GRM7: variants seen among roughly 807,000 people sequenced by gnomAD.
GRM7 encodes glutamate metabotropic receptor 7.
A neutral mutation model predicts 84.5 loss-of-function variants in GRM7; 35 were observed. The ratio of observed to expected loss-of-function variants is 0.41; its 90% CI spans 0.32 to 0.55. The LOEUF is 0.55. Among genes scored for constraint, GRM7 ranks in the 20% least tolerant of loss-of-function variants. GRM7 has a pLI of 0.19. For synonymous variants in GRM7, 487 were observed against 455.1 expected (o/e 1.07, Z -0.89); for missense variants, 1,003 against 1,194.6 (o/e 0.84, Z 2.36).
At chr3:6,936,478 A>G (rs1194531103) in intron 1 of GRM7, among the ~76,000 whole-genome samples, 1 of 152,104 alleles carries the variant, frequency 6.6e-6, no homozygotes, top group African/African-American at 2.4e-5. Flanking sequence ...CCTGAGGGTA[A>G]CTTGTTATTC....
rs147854386 is a variant in GRM7 at position 7,425,095 on chromosome 3, G to A, written c.1174+9932G>A. 5.4e-3 allele frequency among the ~76,000 whole-genome samples: 827 copies of A among 152,124 alleles called. 9 individuals are homozygous for A. Among genetic ancestry groups the A allele is most frequent in the African/African-American group, 0.018 (759 of 41,510 alleles). On this transcript the variant is annotated intron_variant, in intron 5 of 9. Transcript: ENST00000357716. ...ACAAATAGATACTTTCTCATTTTTC[G>A]GTAACTTCGTAGTTTTGCTTCTATA...
At chr3:6,985,487 C>G (rs1575099825) in intron 1 of GRM7, among the ~76,000 whole-genome samples, 1 of 152,112 alleles carries the variant, frequency 6.6e-6, no homozygotes, top group African/African-American at 2.4e-5. Context: ...ATCACATTTT[C>G]AATGTGTGGT....
chr3:7,686,354 T>C (rs1033753797), intron 9 of GRM7: 1 of 1,220,312 alleles, frequency 8.2e-7, no homozygotes, highest in Non-Finnish European at 1.2e-6. Context: ...ACTTTTCCTG[T>C]AGACTGTATA....
At chr3:7,097,738 C>A (rs1206585778) in intron 1 of GRM7, among the ~76,000 whole-genome samples, 1 of 152,150 alleles carries the variant, frequency 6.6e-6, no homozygotes, top group East Asian at 1.9e-4. Flanking sequence ...GTCACCAGAA[C>A]TTCCAGATTG....
chr3:7,215,573 A>G (rs9883942), intron 2 of GRM7, among the ~76,000 whole-genome samples: 67,640 of 151,522 alleles, frequency 0.45, 16,425 homozygotes, highest in African/African-American at 0.64. Context: ...GCTGAGGCAG[A>G]AGAATGGCGT....
intron 1 of GRM7, among the ~76,000 whole-genome samples, chr3:6,998,232 T>C (rs188308633): frequency 1.8e-4 from 27 of 150,264 alleles, no homozygotes; most frequent in Non-Finnish European, 2.5e-4. Context: ...ACAAAGGGGC[T>C]ACAGGCCCCA....
At chr3:7,436,614 C>T (rs1169890316) in intron 5 of GRM7, among the ~76,000 whole-genome samples, 1 of 152,180 alleles carries the variant, frequency 6.6e-6, no homozygotes, top group Non-Finnish European at 1.5e-5. Flanking sequence ...ACTCTGAATT[C>T]TGTCATGCTC....
chr3:7,635,062 G>C (rs1418114071), intron 8 of GRM7, among the ~76,000 whole-genome samples: 1 of 152,208 alleles, frequency 6.6e-6, no homozygotes, highest in African/African-American at 2.4e-5. Context: ...GGCAGCCATA[G>C]CCTCATATGG....
At chr3:7,513,154 A>C (rs2124979878) in intron 7 of GRM7, among the ~76,000 whole-genome samples, 1 of 152,278 alleles carries the variant, frequency 6.6e-6, no homozygotes, top group East Asian at 1.9e-4. Flanking sequence ...ATTCCCTATA[A>C]TTATAGGCTG....
At chr3:6,881,929 G>GTT in intron 1 of GRM7, among the ~76,000 whole-genome samples, 1 of 150,630 alleles carries the variant, frequency 6.6e-6, no homozygotes, top group Admixed American at 6.6e-5. Flanking sequence ...AATTGTGTGT[G>GTT]TGTGTGTGTG....
intron 2 of GRM7, among the ~76,000 whole-genome samples, chr3:7,198,029 AG>A (rs1695936813): frequency 6.6e-6 from 1 of 152,020 alleles, no homozygotes; most frequent in South Asian, 2.1e-4. Context: ...CTGTGCATTT[AG>A]GTTTTGTTTT....
At chr3:7,411,599 T>A (rs562312005) in intron 4 of GRM7, among the ~76,000 whole-genome samples, 1 of 152,238 alleles carries the variant, frequency 6.6e-6, no homozygotes, top group African/African-American at 2.4e-5. Context: ...TTTTGAACTT[T>A]ATGTGACATA....
At chr3:7,715,218 A>AG (rs906113900) in intron 9 of GRM7, among the ~76,000 whole-genome samples, 1 of 152,044 alleles carries the variant, frequency 6.6e-6, no homozygotes, top group Non-Finnish European at 1.5e-5. Flanking sequence ...CCAATACTTC[A>AG]GGGGGGCAAG....
chr3:7,710,026 C>G (rs968560203), intron 9 of GRM7, among the ~76,000 whole-genome samples: 2 of 152,066 alleles, frequency 1.3e-5, no homozygotes, highest in African/African-American at 4.8e-5. Flanking sequence ...AATCTGAATG[C>G]TGCCCCACTT....
chr3:7,645,546 T>TAAAAAAAAAAA (rs71043684), intron 8 of GRM7, among the ~76,000 whole-genome samples: 18 of 87,772 alleles, frequency 2.1e-4, no homozygotes, highest in African/African-American at 6.0e-4. Context: ...GACTCCATCT[T>TAAAAAAAAAAA]AAAAAAAAAA....
At chr3:7,027,924 T>C (rs1696039852) in intron 1 of GRM7, among the ~76,000 whole-genome samples, 1 of 152,180 alleles carries the variant, frequency 6.6e-6, no homozygotes, top group South Asian at 2.1e-4. Context: ...GACCACCCCA[T>C]ATAAAATCGC....
chr3:7,735,882 G>C (rs1308737229), intron 9 of GRM7, among the ~76,000 whole-genome samples: 3 of 152,136 alleles, frequency 2.0e-5, no homozygotes, highest in Non-Finnish European at 2.9e-5. Flanking sequence ...ACATATGAAA[G>C]TATCTCAGGT....
intron 1 of GRM7, among the ~76,000 whole-genome samples, chr3:7,008,888 A>C (rs560931827): frequency 6.6e-6 from 1 of 152,016 alleles, no homozygotes; most frequent in South Asian, 2.1e-4. Context: ...AATTTAAAAC[A>C]CTCCACTCCT....
chr3:6,946,980 C>T (rs1164619438), intron 1 of GRM7, among the ~76,000 whole-genome samples: 1 of 152,176 alleles, frequency 6.6e-6, no homozygotes, highest in Non-Finnish European at 1.5e-5. Context: ...TCTAGATATA[C>T]AATCATGTCA....
Sources: allele counts gnomAD v4.1 joint callset (sites outside exome capture counted in the v4.1 genomes callset), GRCh38; gene constraint gnomAD v4.1.1; transcripts MANE v1.5; gene names NCBI Gene and HGNC (gene_info 2026-07-23, HGNC 2026-07-21).